WWTR1: variants seen among roughly 807,000 people sequenced by gnomAD.
WWTR1 encodes WW domain-containing transcription regulator protein 1.
A neutral mutation model predicts 40.1 loss-of-function variants in WWTR1; 13 were observed. The ratio of observed to expected loss-of-function variants is 0.32; its 90% CI spans 0.21 to 0.52. The LOEUF is 0.52. WWTR1 is among the 20% of genes least tolerant of loss of function. The pLI is 0.97. For missense variants in WWTR1, 436 were observed against 523.1 expected, an observed-to-expected ratio of 0.83 and a Z score of 1.63; for synonymous variants, 230 against 210.1, an observed-to-expected ratio of 1.09 and a Z score of -0.82.
intron 1 of WWTR1, among the ~76,000 whole-genome samples, chr3:149,693,830 C>T (rs1454942125): frequency 6.6e-6 from 1 of 152,054 alleles, no homozygotes; most frequent in Non-Finnish European, 1.5e-5. Flanking sequence ...TCTTGATATA[C>T]AAAATATCTT....
Position 149,558,295 on chromosome 3 carries a change from AACCT to A in WWTR1, c.568+14565_568+14568del, listed in dbSNP as rs1210859220. On this transcript the variant is annotated intron_variant, in intron 3 of 6. Transcript: ENST00000360632. ...CCTTTTGTAAATAAATTAAAAAAAA[AACCT>A]ACCTGTGTGTATATAGCTGCACAGA... Among the ~76,000 whole-genome samples, 5 of 152,260 alleles carry A rather than the reference AACCT, an allele frequency of 3.3e-5. No individual in the cohort carries two copies. The South Asian group carries it at 6.2e-4, about 19-fold the overall frequency.
chr3:149,617,598 G>A (rs570966853), intron 2 of WWTR1, among the ~76,000 whole-genome samples: 6 of 152,280 alleles, frequency 3.9e-5, no homozygotes, highest in South Asian at 4.1e-4. Context: ...TCACAAGTTC[G>A]AGACCAGTCT....
chr3:149,609,704 T>C (rs1451483705), intron 2 of WWTR1, among the ~76,000 whole-genome samples: 5 of 152,206 alleles, frequency 3.3e-5, no homozygotes, highest in East Asian at 3.8e-4. Context: ...ACCTTTGCAC[T>C]AGGAGATAGC....
intron 2 of WWTR1, among the ~76,000 whole-genome samples, chr3:149,632,927 G>A (rs888377082): frequency 6.6e-6 from 1 of 152,196 alleles, no homozygotes; most frequent in Admixed American, 6.5e-5. Context: ...GAGGGGCATG[G>A]CTAATAGCTA....
chr3:149,623,794 G>A (rs1740424277), intron 2 of WWTR1, among the ~76,000 whole-genome samples: 1 of 152,174 alleles, frequency 6.6e-6, no homozygotes, highest in African/African-American at 2.4e-5. Flanking sequence ...TGGCAAATGG[G>A]AATTTATATA....
chr3:149,717,049 T>C (rs1188332872), intron 5 of WWTR1, among the ~76,000 whole-genome samples: 7 of 152,110 alleles, frequency 4.6e-5, no homozygotes, highest in African/African-American at 1.7e-4. Flanking sequence ...ATGCCTGTAG[T>C]CCCAGCTATC....
At chr3:149,692,617 CTGTTTGTTTGTTTGTT>C (rs138842308) in intron 1 of WWTR1, among the ~76,000 whole-genome samples, 1 of 150,880 alleles carries the variant, frequency 6.6e-6, no homozygotes, top group Non-Finnish European at 1.5e-5. Context: ...ACTTTCACCA[CTGTTTGTTTGTTTGTT>C]TGTTTGTTTG....
At chr3:149,723,666 G>C (rs1715810166) in intron 4 of WWTR1, among the ~76,000 whole-genome samples, 1 of 152,058 alleles carries the variant, frequency 6.6e-6, no homozygotes, top group Admixed American at 6.6e-5. Flanking sequence ...TAATGCTCTA[G>C]TCTTCAATAT....
In WWTR1 at chr3:149,551,925, T is replaced by C. The variant is rs373142225; in HGVS notation, c.569-9388A>G. Among the ~76,000 whole-genome samples the C allele has an allele frequency of 3.8e-4, 55 of 146,184 alleles. 6 individuals are homozygous for C. Among genetic ancestry groups the C allele is most frequent in the African/African-American group, 1.3e-3 (50 of 38,662 alleles). The stretch of plus-strand genomic sequence containing the variant: ...TGGTGGTTGTCCTTTTGTATCCATA[T>C]TATGTGATAATTGGAATGGGAATAT... On this transcript the variant is annotated intron_variant, in intron 3 of 6. Coordinates refer to ENST00000360632, the MANE Select transcript of WWTR1 (RefSeq NM_015472.6).
chr3:149,559,293 C>CAAAAAAAAAAAAA (rs57470539), intron 3 of WWTR1, among the ~76,000 whole-genome samples: 3 of 58,098 alleles, frequency 5.2e-5, no homozygotes, highest in Non-Finnish European at 6.7e-5. Context: ...GACTCCATCT[C>CAAAAAAAAAAAAA]AAAAAAAAAA....
chr3:149,642,214 A>G (rs111539420), intron 2 of WWTR1, among the ~76,000 whole-genome samples: 1 of 151,500 alleles, frequency 6.6e-6, no homozygotes, highest in African/African-American at 2.4e-5. Context: ...TGAGGTTGGG[A>G]GTTCAAGACC....
upstream of WWTR1, among the ~76,000 whole-genome samples, chr3:149,658,998 C>T (rs560996126): frequency 5.3e-5 from 8 of 152,102 alleles, no homozygotes; most frequent in Non-Finnish European, 1.2e-4. Flanking sequence ...TAGATCTGGG[C>T]GAGGGATGGA....
chr3:149,562,942 A>G (rs534530897), intron 3 of WWTR1, among the ~76,000 whole-genome samples: 2 of 152,228 alleles, frequency 1.3e-5, no homozygotes, highest in East Asian at 3.9e-4. Context: ...GAGGAGATCA[A>G]AGAGAAGTGT....
intron 1 of WWTR1, among the ~76,000 whole-genome samples, chr3:149,691,892 T>C (rs1040672740): frequency 6.6e-6 from 1 of 151,976 alleles, no homozygotes; most frequent in African/African-American, 2.4e-5. Flanking sequence ...GGCAGGCGCC[T>C]GTAGTCCCAG....
intron 6 of WWTR1, among the ~76,000 whole-genome samples, chr3:149,523,554 C>A (rs1160735949): frequency 6.6e-6 from 1 of 152,204 alleles, no homozygotes; most frequent in East Asian, 1.9e-4. Context: ...AGCCACAAGG[C>A]AATTCTTAAA....
In WWTR1 at chr3:149,664,149, G is replaced by A. The variant is rs113271082; in HGVS notation, c.-4+5639C>T. 3.8e-3 allele frequency among the ~76,000 whole-genome samples: 572 copies of A among 152,360 alleles called. 5 individuals are homozygous for A. Among genetic ancestry groups the A allele is most frequent in the African/African-American group, 0.013 (543 of 41,586 alleles). On this transcript the variant is annotated intron_variant, in intron 2 of 7. Coordinates refer to the WWTR1 transcript ENST00000465804. ...GGGGTGGCTAAGTTAGAGGACTGTG[G>A]TCCCAGAAGCCCTTGGGGCAGAACC... is the stretch of plus-strand genomic sequence containing the variant.
At chr3:149,531,164 G>A (rs1235400804) in intron 4 of WWTR1, among the ~76,000 whole-genome samples, 1 of 152,102 alleles carries the variant, frequency 6.6e-6, no homozygotes, top group Non-Finnish European at 1.5e-5. Flanking sequence ...CGAACTCCTG[G>A]CCTCAAATGA....
At position 149,532,645 on chromosome 3, in the gene WWTR1, C is replaced by T. The variant is rs1028707415; in HGVS notation, c.772-4676G>A. ...AAGAGAAAAAGAAACTGTACAAAAC[C>T]CGAGGTCTGAAAATAAAAGGGCTAA... is the stretch of plus-strand genomic sequence containing the variant. On this transcript the variant is annotated intron_variant, in intron 4 of 6. Transcript: ENST00000360632. Among the ~76,000 whole-genome samples the T allele has an allele frequency of 1.3e-5, 2 of 152,134 alleles. 1 individual carries two copies. Among genetic ancestry groups the T allele is most frequent in the South Asian group, 4.1e-4 (2 of 4,824 alleles).
rs77040121 is a variant in WWTR1, at chr3:149,615,043, G to A, written c.431+41833C>T. 8.1e-4 allele frequency among the ~76,000 whole-genome samples: 124 copies of A among 152,182 alleles called. 2 individuals carry two copies. The highest frequency in any genetic ancestry group is 1.0e-3 in the Non-Finnish European group (68 of 68,012). ...GGGGGTACATTATACTAGTCTACTA[G>A]TATTGAGGTATGTTTTAAATCTTCC... On this transcript the variant is annotated intron_variant, in intron 2 of 6. Coordinates refer to ENST00000360632, the MANE Select transcript of WWTR1 (RefSeq NM_015472.6).
Sources: gnomAD v4.1 joint callset for allele counts (sites outside exome capture counted in the v4.1 genomes callset) on GRCh38, gnomAD v4.1.1 for gene constraint, MANE v1.5 for transcripts, NCBI Gene and HGNC (gene_info 2026-07-23, HGNC 2026-07-21) for gene names.